ADIPOR1: variants seen among roughly 807,000 people sequenced by gnomAD.
ADIPOR1 encodes the protein adiponectin receptor protein 1.
ADIPOR1 carries 15 observed loss-of-function variants against 37.5 expected under a neutral mutation model. That is an observed-to-expected ratio of 0.40 (90% CI 0.27 to 0.62). The LOEUF (loss-of-function observed/expected upper bound fraction) is 0.62, where lower values mean the gene tolerates loss of function less well. ADIPOR1 is among the 20% of genes least tolerant of loss of function. ADIPOR1 has a pLI of 0.42. For missense variants in ADIPOR1, 286 were observed against 478.0 expected, an observed-to-expected ratio of 0.60 and a Z score of 3.75; for synonymous variants, 173 against 173.2, an observed-to-expected ratio of 1.00 and a Z score of 0.01.
rs370104506 is a variant in ADIPOR1, at chr1:202,957,934, C to T, written c.-95+251G>A. Among the ~76,000 whole-genome samples, 6 of 152,248 alleles carry T rather than the reference C, an allele frequency of 3.9e-5. No individual in the cohort carries two copies. The East Asian group carries it at 9.7e-4, about 25-fold the overall frequency. On this transcript the variant is annotated intron_variant, in intron 1 of 7. Transcript: ENST00000340990. ...AGGACTGCCGGGAGTCGGGGGACAG[C>T]CGGGGACGAGCGCCCACCGCACCTA...
upstream of ADIPOR1, chr1:202,958,499 C>A (rs986446723): frequency 1.6e-4 from 24 of 153,074 alleles, no homozygotes; most frequent in Non-Finnish European, 3.4e-4. Context: ...CAGGTAACCT[C>A]CACCCGCCCC....
rs149207948 is a variant in ADIPOR1, at chr1:202,945,217, G to A, written c.431-48C>T. On this transcript the variant is annotated intron_variant, in intron 4 of 7. Transcript: ENST00000340990. The stretch of plus-strand genomic sequence containing the variant: ...AAACCTGTAAGAAAAAAGGGAATGT[G>A]TACACTTTGATGGTTGATGTTTTTG... 1.9e-4 allele frequency: 275 copies of A among 1,485,878 alleles called. 3 individuals are homozygous for A. In the African/African-American group the frequency reaches 3.6e-3, roughly 20 times the overall value. 92.0% of individuals were successfully genotyped at this position (1,485,878 alleles called of 1,614,324 possible).
rs1328806885 is a variant in ADIPOR1 at position 202,946,512 on chromosome 1, G to A, written c.357C>T (p.Pro119=). 1.2e-6 allele frequency: 2 copies of A among 1,613,980 alleles called. No homozygotes were observed. The highest frequency in any genetic ancestry group is 2.2e-5 in the East Asian group (1 of 44,886). Reference sequence around the variant, plus strand: ...TGCTCTTGAAGCAAGCCCGAAAGGAGGGCATGGGAGGTCTATGACCATGTA... The same window carrying A: ...TGCTCTTGAAGCAAGCCCGAAAGGAAGGCATGGGAGGTCTATGACCATGTA... ...YLLHGHRPPM[P]SFRACFKSIF... Residue 119 remains proline (P), a synonymous_variant, in exon 4 of 8, where the codon CCC becomes CCT. Transcript: ENST00000340990.
chr1:202,956,627 G>A (rs535804153), intron 1 of ADIPOR1, among the ~76,000 whole-genome samples: 14 of 152,308 alleles, frequency 9.2e-5, no homozygotes, highest in African/African-American at 3.1e-4. Flanking sequence ...TTTTGTGGAA[G>A]ATTTTATGAC....
chr1:202,949,929 G>T (rs1013883773), intron 2 of ADIPOR1, among the ~76,000 whole-genome samples: 1 of 152,098 alleles, frequency 6.6e-6, no homozygotes, highest in Non-Finnish European at 1.5e-5. Context: ...AGTTCTGGCC[G>T]AAGTCTTATG....
At position 202,950,953 on chromosome 1, in the gene ADIPOR1, G is replaced by C. The variant is rs766587890; in HGVS notation, c.118C>G (p.Arg40Gly). 1.2e-6 allele frequency: 2 copies of C among 1,614,144 alleles called. No homozygotes were observed. Among genetic ancestry groups the C allele is most frequent in the Admixed American group, 1.7e-5 (1 of 60,006 alleles). Residue 40 changes from arginine to glycine, a missense_variant, in exon 2 of 8, where the codon CGG becomes GGG. Coordinates refer to ENST00000340990, the MANE Select transcript of ADIPOR1 (RefSeq NM_015999.6). ...ACTTTGGGTGGGTTGGCGATTACCC[G>C]TTTGCCCTTCTCTTCTAGCAGGGGT... ...LGPLLEEKGKRVIANPPKAEE... is the reference protein window; with the variant it reads ...LGPLLEEKGKGVIANPPKAEE...
intron 5 of ADIPOR1, chr1:202,944,309 G>A (rs1654218953): frequency 5.7e-6 from 1 of 175,610 alleles, no homozygotes. Flanking sequence ...CTGATAGAAT[G>A]AGTTCTAAAA....
intron 2 of ADIPOR1, among the ~76,000 whole-genome samples, chr1:202,950,177 G>A (rs1055519077): frequency 1.3e-5 from 2 of 151,930 alleles, no homozygotes; most frequent in Non-Finnish European, 2.9e-5. Context: ...TGGCCAGGCT[G>A]GTCTCGAACT....
chr1:202,949,619 CT>C, intron 2 of ADIPOR1, among the ~76,000 whole-genome samples: 1 of 150,574 alleles, frequency 6.6e-6, no homozygotes, highest in African/African-American at 2.4e-5. Flanking sequence ...GAGCACTTGC[CT>C]GTGAAAGGGA....
rs950132329 is a variant in ADIPOR1, at chr1:202,951,113, G to T, written c.-43C>A. 6 of 1,611,384 alleles carry T rather than the reference G, an allele frequency of 3.7e-6. No individual in the cohort carries two copies. Among genetic ancestry groups the T allele is most frequent in the East Asian group, 2.2e-5 (1 of 44,816 alleles). On this transcript the variant is annotated 5_prime_UTR_variant, in exon 2 of 8. Coordinates refer to ENST00000340990, the MANE Select transcript of ADIPOR1 (RefSeq NM_015999.6). ...ACCCTGCAGCTTCAGCTTGGGGAAA[G>T]GTTGGGGTCTCTCAGCCCCAGGGGG...
At chr1:202,950,587 C>T (rs948412183) in intron 2 of ADIPOR1, among the ~76,000 whole-genome samples, 1 of 152,060 alleles carries the variant, frequency 6.6e-6, no homozygotes, top group Non-Finnish European at 1.5e-5. Context: ...GCTTGAGAGA[C>T]TTCTGTCCTG....
chr1:202,949,803 C>T (rs1483553973), intron 2 of ADIPOR1, among the ~76,000 whole-genome samples: 2 of 152,110 alleles, frequency 1.3e-5, no homozygotes, highest in African/African-American at 2.4e-5. Flanking sequence ...AACATCCATT[C>T]TCTCTCTTCC....
Position 202,951,135 on chromosome 1 carries a change from G to A in ADIPOR1, c.-65C>T, listed in dbSNP as rs1217387047. On this transcript the variant is annotated 5_prime_UTR_variant, in exon 2 of 8. Transcript: ENST00000340990. ...AAAGGTTGGGGTCTCTCAGCCCCAG[G>A]GGGCAGAGATCTCCCTCTGATGGTA... 5 of 1,595,234 alleles carry A rather than the reference G, an allele frequency of 3.1e-6. No individual in the cohort carries two copies. Among genetic ancestry groups the A allele is most frequent in the Admixed American group, 3.4e-5 (2 of 58,288 alleles).
chr1:202,944,134 A>G, intron 5 of ADIPOR1, 189 bp from the exon 6 acceptor site: 2 of 540,262 alleles, frequency 3.7e-6, no homozygotes. Flanking sequence ...CTTCTATTTT[A>G]CGATGGAAAA....
intron 1 of ADIPOR1, among the ~76,000 whole-genome samples, chr1:202,957,105 T>C (rs2102497437): frequency 6.6e-6 from 1 of 152,268 alleles, no homozygotes; most frequent in South Asian, 2.1e-4. Flanking sequence ...ACCCTGACAT[T>C]GCAATCTGTT....
At chr1:202,945,203 A>G in intron 4 of ADIPOR1, 34 bp from the exon 5 acceptor site, 1 of 1,536,056 alleles carries the variant, frequency 6.5e-7, no homozygotes, top group Non-Finnish European at 8.7e-7. Context: ...AACCTGTAAG[A>G]AAAAAGGGAA....
Position 202,946,569 on chromosome 1 carries a change from G to C in ADIPOR1, c.300C>G (p.Leu100=). 6.2e-7 allele frequency: 1 copy of C among 1,614,024 alleles called. No homozygotes were observed. Among genetic ancestry groups the C allele is most frequent in the Non-Finnish European group, 8.5e-7 (1 of 1,180,030 alleles). The change falls in exon 4 of 8, where the codon CTC becomes CTG. Residue 100 remains leucine, a synonymous_variant. Coordinates refer to ENST00000340990, the MANE Select transcript of ADIPOR1 (RefSeq NM_015999.6). ...AGTCGTTGTCCTTTAGCCAGTCAGG[G>C]AGCACATCATATGGGATGACCCTCC... ...GRWRVIPYDV[L]PDWLKDNDYL...
At chr1:202,958,452 C>A (rs1028027491), upstream of ADIPOR1, 22 of 154,168 alleles carry the variant, frequency 1.4e-4, no homozygotes, top group Admixed American at 2.0e-4. Flanking sequence ...CCTGCTGCCC[C>A]GCCTTCCCTG....
intron 2 of ADIPOR1, among the ~76,000 whole-genome samples, chr1:202,948,682 G>A (rs902563113): frequency 2.0e-5 from 3 of 152,162 alleles, no homozygotes; most frequent in African/African-American, 7.2e-5. Context: ...AGCATTGGGG[G>A]AATACACCAG....
Sources: gnomAD v4.1 joint callset for allele counts (sites outside exome capture counted in the v4.1 genomes callset) on GRCh38, gnomAD v4.1.1 for gene constraint, MANE v1.5 for transcripts, NCBI Gene and HGNC (gene_info 2026-07-23, HGNC 2026-07-21) for gene names.